Variants in ZFHX3 observed in about 807,000 individuals in gnomAD.
ZFHX3 encodes the protein zinc finger homeobox protein 3.
A neutral mutation model predicts 279.1 loss-of-function variants in ZFHX3; 42 were observed. The ratio of observed to expected loss-of-function variants is 0.15; its 90% CI spans 0.12 to 0.19. The LOEUF is 0.19. ZFHX3 is among the 10% of genes least tolerant of loss of function. ZFHX3 has a pLI of 1.00. For synonymous variants in ZFHX3, 2,293 were observed against 1,957.8 expected (o/e 1.17, Z -4.52); for missense variants, 4,981 against 4,754.0 (o/e 1.05, Z -1.40).
chr16:72,875,467 A>G (rs1232400491), intron 4 of ZFHX3, among the ~76,000 whole-genome samples: 1 of 152,218 alleles, frequency 6.6e-6, no homozygotes, highest in Non-Finnish European at 1.5e-5. Context: ...ACATGTGACT[A>G]TCTACACAGC....
At chr16:73,847,123 G>A (rs914387625) in intron 1 of ZFHX3, among the ~76,000 whole-genome samples, 1 of 152,020 alleles carries the variant, frequency 6.6e-6, no homozygotes, top group Non-Finnish European at 1.5e-5. Flanking sequence ...CCAACATGGT[G>A]AAACCCCATC....
chr16:72,928,226 G>GACA (rs1382743694), intron 3 of ZFHX3, among the ~76,000 whole-genome samples: 2,854 of 145,176 alleles, frequency 0.02, 559 homozygotes, highest in South Asian at 0.034. Flanking sequence ...GGGAGCGAGG[G>GACA]GGAGCGAGAG....
chr16:73,882,398 T>C (rs185371112), intron 1 of ZFHX3, among the ~76,000 whole-genome samples: 22 of 152,200 alleles, frequency 1.4e-4, no homozygotes, highest in Admixed American at 1.3e-3. Flanking sequence ...AACTAAACTC[T>C]AGGAAAGTGG....
chr16:73,751,009 G>C (rs908097569), intron 1 of ZFHX3, among the ~76,000 whole-genome samples: 1 of 152,154 alleles, frequency 6.6e-6, no homozygotes, highest in South Asian at 2.1e-4. Flanking sequence ...GAAATATCTA[G>C]AGTTGTATCC....
chr16:73,864,542 A>C (rs1458272138), intron 1 of ZFHX3, among the ~76,000 whole-genome samples: 1 of 152,158 alleles, frequency 6.6e-6, no homozygotes, highest in Non-Finnish European at 1.5e-5. Flanking sequence ...AACATGGTGA[A>C]ACCCTGTCTC....
intron 1 of ZFHX3, among the ~76,000 whole-genome samples, chr16:73,728,970 C>T (rs2053545667): frequency 6.6e-6 from 1 of 152,100 alleles, no homozygotes; most frequent in Non-Finnish European, 1.5e-5. Context: ...TCCACACTGC[C>T]TTCCTCCTCT....
Position 72,957,808 on chromosome 16 carries a change from C to T in ZFHX3, c.2338G>A (p.Ala780Thr). 3 of 1,590,336 alleles carry T rather than the reference C, an allele frequency of 1.9e-6. No homozygotes were observed. Among genetic ancestry groups the T allele is most frequent in the Non-Finnish European group, 8.6e-7 (1 of 1,162,926 alleles). The change falls in exon 2 of 10, where the codon GCG becomes ACG. Residue 780 changes from alanine (A) to threonine (T), a missense_variant. Ala to Thr is a moderately conservative substitution (Grantham distance 58). Coordinates refer to ENST00000268489, the MANE Select transcript of ZFHX3 (RefSeq NM_006885.4). ...CTACTGATATTGGCTGCCGCCGCCG[C>T]CGCAGCCACCGCCGCCGCCGCCGCC... ...AGAAAAAVAA[A>T]AAAANISSSC...
At chr16:73,890,371 C>T (rs1294562560) in intron 1 of ZFHX3, among the ~76,000 whole-genome samples, 1 of 152,118 alleles carries the variant, frequency 6.6e-6, no homozygotes, top group Non-Finnish European at 1.5e-5. Context: ...CATTTTTACT[C>T]CTGCATTCAG....
chr16:73,428,482 C>T (rs1351748418), intron 3 of ZFHX3, among the ~76,000 whole-genome samples: 1 of 152,166 alleles, frequency 6.6e-6, no homozygotes, highest in Admixed American at 6.5e-5. Flanking sequence ...GTGAGTTCAC[C>T]TCTTCCATTA....
chr16:73,258,834 A>C (rs2013736710), intron 4 of ZFHX3, among the ~76,000 whole-genome samples: 1 of 152,040 alleles, frequency 6.6e-6, no homozygotes, highest in Non-Finnish European at 1.5e-5. Context: ...TTTCTCTCTC[A>C]CTTCTTCCCC....
At chr16:73,168,450 CT>C (rs1383358166) in intron 5 of ZFHX3, among the ~76,000 whole-genome samples, 6 of 151,984 alleles carry the variant, frequency 3.9e-5, no homozygotes, top group Non-Finnish European at 8.8e-5. Flanking sequence ...GAAATGCAGA[CT>C]TGCTGTCTTG....
At chr16:73,259,216 TG>T (rs1221077762) in intron 4 of ZFHX3, among the ~76,000 whole-genome samples, 54 of 152,338 alleles carry the variant, frequency 3.5e-4, no homozygotes, top group African/African-American at 1.3e-3. Flanking sequence ...GTGGGATTCC[TG>T]GGTTGCAGGA....
chr16:72,883,929 TA>T (rs990393889), intron 4 of ZFHX3, among the ~76,000 whole-genome samples: 3 of 151,722 alleles, frequency 2.0e-5, no homozygotes, highest in Non-Finnish European at 4.4e-5. Context: ...GCTGATTTTA[TA>T]AAAACAATAT....
At chr16:73,625,404 C>G (rs1336396165) in intron 2 of ZFHX3, among the ~76,000 whole-genome samples, 1 of 152,184 alleles carries the variant, frequency 6.6e-6, no homozygotes, top group Non-Finnish European at 1.5e-5. Context: ...TAGAAGCAAC[C>G]TGAATTATCT....
intron 3 of ZFHX3, among the ~76,000 whole-genome samples, chr16:72,931,650 C>T (rs904782408): frequency 6.6e-6 from 1 of 150,732 alleles, no homozygotes; most frequent in African/African-American, 2.4e-5. Flanking sequence ...GCCATGGAAA[C>T]AGTTTTGCAT....
intron 2 of ZFHX3, among the ~76,000 whole-genome samples, chr16:73,535,593 A>G (rs1459059763): frequency 1.3e-5 from 2 of 152,250 alleles, no homozygotes; most frequent in African/African-American, 4.8e-5. Context: ...TACTGAGAGA[A>G]TAATGATCTG....
chr16:72,916,892 AG>A (rs138997748), intron 3 of ZFHX3, among the ~76,000 whole-genome samples: 1,685 of 152,306 alleles, frequency 0.011, 12 homozygotes, highest in Non-Finnish European at 0.017. Flanking sequence ...AAAGACTAAA[AG>A]GGGATGGAGT....
chr16:72,849,860 CAAAAAAAAAAAAAAAAAAAAAAAA>C lies in ZFHX3; in HGVS notation c.3449-20025_3449-20002del, dbSNP rs542156633. 3.6e-3 allele frequency among the ~76,000 whole-genome samples: 201 copies of C among 56,542 alleles called. 12 individuals are homozygous for C. Among genetic ancestry groups the C allele is most frequent in the East Asian group, 6.2e-3 (7 of 1,128 alleles). The allele number at this position is 56,542 out of a possible 152,430, so 37.1% of individuals were successfully genotyped here. ...TCTCTGCCACTTGGAGTTCACCTAC[CAAAAAAAAAAAAAAAAAAAAAAAA>C]AAAAAAAAAAAAAAAAAAAAAAATT... On this transcript the variant is annotated intron_variant, in intron 4 of 9. Transcript: ENST00000268489.
chr16:73,522,946 G>T (rs1039393263), intron 2 of ZFHX3, among the ~76,000 whole-genome samples: 2 of 152,142 alleles, frequency 1.3e-5, no homozygotes, highest in African/African-American at 4.8e-5. Context: ...GATCTCCTGA[G>T]AATTCACTCA....
Sources: gnomAD v4.1 joint callset for allele counts (sites outside exome capture counted in the v4.1 genomes callset) on GRCh38, gnomAD v4.1.1 for gene constraint, MANE v1.5 for transcripts, NCBI Gene and HGNC (gene_info 2026-07-23, HGNC 2026-07-21) for gene names.